Variants in C8A observed in about 807,000 individuals in gnomAD.
C8A encodes the protein complement component C8 alpha chain.
In C8A, 67 loss-of-function variants were observed where a neutral mutation model predicts 65.3. The ratio of observed to expected loss-of-function variants is 1.03; its 90% CI spans 0.84 to 1.26. The LOEUF (loss-of-function observed/expected upper bound fraction) is 1.26. Among genes scored for constraint, C8A ranks in the 50% most tolerant of loss-of-function variants. The pLI, the probability that C8A is intolerant of heterozygous loss-of-function variation, is 0.00. For missense variants in C8A, 781 were observed against 723.9 expected (o/e 1.08, Z -0.90); for synonymous variants, 290 against 259.4 (o/e 1.12, Z -1.13).
In C8A at chr1:56,899,350, G is replaced by A. The variant is rs565377226; in HGVS notation, c.1097-7317G>A. On this transcript the variant is annotated intron_variant, in intron 7 of 10. Coordinates refer to ENST00000361249, the MANE Select transcript of C8A (RefSeq NM_000562.3). ...GGCGGTATAATATGGCATACAGAACGTGGTCTTTGGACACAGGCCTTGGTT... is the reference window on the plus strand; with the variant it reads ...GGCGGTATAATATGGCATACAGAACATGGTCTTTGGACACAGGCCTTGGTT... Among the ~76,000 whole-genome samples, 81 of 152,266 alleles carry A rather than the reference G, an allele frequency of 5.3e-4. No individual in the cohort carries two copies. In the South Asian group the frequency reaches 0.015, roughly 28 times the overall value.
intron 7 of C8A, among the ~76,000 whole-genome samples, chr1:56,902,514 C>T (rs1382739755): frequency 1.3e-5 from 2 of 152,082 alleles, no homozygotes; most frequent in African/African-American, 4.8e-5. Context: ...GGTAAAAATA[C>T]TTTAACATGA....
intron 7 of C8A, among the ~76,000 whole-genome samples, chr1:56,896,820 T>G (rs994508741): frequency 1.3e-5 from 2 of 152,134 alleles, no homozygotes; most frequent in African/African-American, 4.8e-5. Flanking sequence ...TGTATCTCAG[T>G]GGAAATAGAG....
intron 10 of C8A, among the ~76,000 whole-genome samples, chr1:56,916,171 A>G (rs955916678): frequency 6.6e-6 from 1 of 152,158 alleles, no homozygotes; most frequent in African/African-American, 2.4e-5. Flanking sequence ...GCATTACGTA[A>G]TGATCTGCAG....
rs1644296754 is a variant in C8A at position 56,885,988 on chromosome 1, A to G, written c.917A>G (p.Asp306Gly). ...ACTGCACATTTTAAGATGAGGAAGG[A>G]TGACATTATGCTGGATGAAGGAATG... ...VQTAHFKMRK[D>G]DIMLDEGMLQ... is the part of the protein sequence containing the mutation. The change falls in exon 7 of 11, where the codon GAT becomes GGT. Residue 306 changes from aspartate to glycine, a missense_variant. By Grantham distance (94) the Asp-to-Gly change is moderately conservative. Transcript: ENST00000361249. The G allele has an allele frequency of 1.2e-6, 2 of 1,613,940 alleles. No homozygotes were observed. The highest frequency in any genetic ancestry group is 8.5e-7 in the Non-Finnish European group (1 of 1,179,954).
chr1:56,916,178 G>T (rs191925060), intron 10 of C8A, among the ~76,000 whole-genome samples: 1 of 152,330 alleles, frequency 6.6e-6, no homozygotes, highest in East Asian at 1.9e-4. Flanking sequence ...GTAATGATCT[G>T]CAGGGAGGGA....
intron 4 of C8A, among the ~76,000 whole-genome samples, chr1:56,879,403 C>T (rs1049260021): frequency 6.6e-6 from 1 of 152,160 alleles, no homozygotes; most frequent in African/African-American, 2.4e-5. Flanking sequence ...CTGGGGCTTT[C>T]ACAACCAGCT....
Position 56,917,976 on chromosome 1 carries a change from C to CA in C8A, c.*267dup. 3 of 378,534 alleles carry CA rather than the reference C, an allele frequency of 7.9e-6. No individual in the cohort carries two copies. Among genetic ancestry groups the CA allele is most frequent in the African/African-American group, 2.1e-5 (1 of 48,454 alleles). 23.4% of individuals were successfully genotyped at this position (378,534 alleles called of 1,614,324 possible). A position where few individuals can be genotyped will look rare whatever the true frequency, so the allele number is the denominator to read the frequency against. ...TCCTACTTACAGCACTTTGGATCAT[C>CA]AAAAAAATAAAGTAAAATAGAAAAC... On this transcript the variant is annotated 3_prime_UTR_variant, in exon 11 of 11. Coordinates refer to ENST00000361249, the MANE Select transcript of C8A (RefSeq NM_000562.3).
rs2101276137 is a variant in C8A at position 56,896,978 on chromosome 1, A to G, written c.1097-9689A>G. Among the ~76,000 whole-genome samples, 3 of 152,310 alleles carry G rather than the reference A, an allele frequency of 2.0e-5. No homozygotes were observed. The South Asian group carries it at 6.2e-4, about 32-fold the overall frequency. ...CAGATGAGGACCACCAGGCACTGAAAGGCAAGATGACATGTCCAAGGTGAC... is the reference window on the plus strand; with the variant it reads ...CAGATGAGGACCACCAGGCACTGAAGGGCAAGATGACATGTCCAAGGTGAC... On this transcript the variant is annotated intron_variant, in intron 7 of 10. Coordinates refer to ENST00000361249, the MANE Select transcript of C8A (RefSeq NM_000562.3).
intron 1 of C8A, among the ~76,000 whole-genome samples, chr1:56,860,173 T>C (rs573919350): frequency 3.3e-5 from 5 of 152,282 alleles, no homozygotes; most frequent in African/African-American, 9.6e-5. Flanking sequence ...GAGGGAATTT[T>C]CTGTAAAGAT....
intron 4 of C8A, among the ~76,000 whole-genome samples, chr1:56,878,985 CT>C (rs1357754466): frequency 1.3e-5 from 2 of 152,186 alleles, no homozygotes; most frequent in African/African-American, 4.8e-5. Context: ...TTTTCTATCT[CT>C]TTTTAATAAG....
At chr1:56,864,293 G>A (rs1644062739) in intron 1 of C8A, among the ~76,000 whole-genome samples, 1 of 152,184 alleles carries the variant, frequency 6.6e-6, no homozygotes, top group Non-Finnish European at 1.5e-5. Context: ...GTGTGATTGA[G>A]GGAACAGTGG....
chr1:56,873,430 A>C (rs1273531225), intron 2 of C8A, among the ~76,000 whole-genome samples: 2 of 152,202 alleles, frequency 1.3e-5, no homozygotes. Flanking sequence ...GCTCATGGGC[A>C]GTTGGTAAGA....
At chr1:56,863,010 A>G (rs1644049441) in intron 1 of C8A, among the ~76,000 whole-genome samples, 2 of 152,164 alleles carry the variant, frequency 1.3e-5, no homozygotes, top group African/African-American at 4.8e-5. Context: ...TGTTTAATAT[A>G]AGGGGAGTGG....
At chr1:56,898,664 TCTGA>T (rs1455131338) in intron 7 of C8A, among the ~76,000 whole-genome samples, 4 of 152,166 alleles carry the variant, frequency 2.6e-5, no homozygotes, top group African/African-American at 9.7e-5. Context: ...AGGACTTAGA[TCTGA>T]GTATCACACT....
At position 56,876,171 on chromosome 1, in the gene C8A, G is replaced by C; in HGVS notation, c.426G>C (p.Gln142His). Reference protein sequence around the residue: ...DVRAIDEDCSQYEPIPGSQKA... With the variant: ...DVRAIDEDCSHYEPIPGSQKA... ...GGGCCATTGACGAAGACTGCAGCCA[G>C]TATGAACCAATTCCAGGATCACAGA... Residue 142 changes from glutamine (Q) to histidine (H), a missense_variant, in exon 4 of 11, where the codon CAG (glutamine) becomes CAC (histidine). Coordinates refer to ENST00000361249, the MANE Select transcript of C8A (RefSeq NM_000562.3). 6.2e-6 allele frequency: 10 copies of C among 1,613,932 alleles called. No individual in the cohort carries two copies. The highest frequency in any genetic ancestry group is 8.5e-6 in the Non-Finnish European group (10 of 1,179,870).
At chr1:56,886,240 CACTG>C (rs1644299521) in intron 7 of C8A, 73 bp downstream of exon 7, 52 of 1,569,238 alleles carry the variant, frequency 3.3e-5, no homozygotes, top group Non-Finnish European at 7.0e-6. Context: ...GTTTTCTAAG[CACTG>C]ACTATGAGCC....
At chr1:56,885,533 C>T (rs1002427938) in intron 6 of C8A, among the ~76,000 whole-genome samples, 70 of 143,720 alleles carry the variant, frequency 4.9e-4, no homozygotes, top group African/African-American at 1.7e-3. Context: ...TAAAAGCTGA[C>T]CTTTTGCATC....
At chr1:56,887,074 AAG>A (rs1644305726) in intron 7 of C8A, among the ~76,000 whole-genome samples, 1 of 152,186 alleles carries the variant, frequency 6.6e-6, no homozygotes, top group Non-Finnish European at 1.5e-5. Flanking sequence ...GAGGAAGGAT[AAG>A]AGATCTATCC....
chr1:56,869,723 G>A (rs974460293), intron 2 of C8A, among the ~76,000 whole-genome samples: 2 of 152,152 alleles, frequency 1.3e-5, no homozygotes, highest in African/African-American at 4.8e-5. Context: ...GGAGTAAGGT[G>A]ATATCTCATT....
Sources: allele counts gnomAD v4.1 joint callset (sites outside exome capture counted in the v4.1 genomes callset), GRCh38; gene constraint gnomAD v4.1.1; transcripts MANE v1.5; gene names NCBI Gene and HGNC (gene_info 2026-07-23, HGNC 2026-07-21).